The following ARHGAP45 variants were observed in gnomAD, a reference collection of about 807,000 sequenced individuals.
The protein encoded by ARHGAP45 is Rho GTPase activating protein 45.
In ARHGAP45, 56 loss-of-function variants were observed where a neutral mutation model predicts 116.1. The ratio of observed to expected loss-of-function variants is 0.48; its 90% confidence interval spans 0.39 to 0.60. The LOEUF (loss-of-function observed/expected upper bound fraction) is 0.60, where lower values mean the gene tolerates loss of function less well. Among genes scored for constraint, ARHGAP45 ranks in the 20% least tolerant of loss-of-function variants. ARHGAP45 has a pLI of 0.00. For missense variants in ARHGAP45, 1,622 were observed against 1,601.0 expected (o/e 1.01, Z -0.22); for synonymous variants, 866 against 701.7 (o/e 1.23, Z -3.70).
In ARHGAP45 at chr19:1,082,848, G is replaced by A; in HGVS notation, c.2526G>A (p.Glu842=). 1.3e-6 allele frequency: 2 copies of A among 1,511,858 alleles called. No homozygotes were observed. The highest frequency in any genetic ancestry group is 1.3e-5 in the South Asian group (1 of 75,848). 93.7% of individuals were successfully genotyped at this position (1,511,858 alleles called of 1,614,324 possible). ...CCCTTGACTCTGCGCAGCTTCCCGA[G>A]CCGCTCATCTCCTTCCGCCTCTACC... ...VLKLYLRQLP[E]PLISFRLYHE... is the part of the protein sequence containing the mutation. Residue 842 remains glutamate (E), a synonymous_variant, in exon 20 of 23, where the codon GAG becomes GAA. Transcript: ENST00000313093.
chr19:1,073,971 G>T lies in ARHGAP45; in HGVS notation c.747G>T (p.Pro249=), dbSNP rs1217659927. 14 of 1,586,502 alleles carry T rather than the reference G, an allele frequency of 8.8e-6. No homozygotes were observed. The highest frequency in any genetic ancestry group is 1.3e-5 in the African/African-American group (1 of 74,146). Reference sequence around the variant, plus strand: ...AGTCCATGGAAAGCCTGTATGGACCGGGCAGTGAGGGCACGCCTCCCAGCC... The same window carrying T: ...AGTCCATGGAAAGCCTGTATGGACCTGGCAGTGAGGGCACGCCTCCCAGCC... The part of the protein sequence containing the change: ...SSQSMESLYG[P]GSEGTPPSLE... The change falls in exon 6 of 23, where the codon CCG becomes CCT. Residue 249 remains proline (P), a synonymous_variant. Coordinates refer to ENST00000313093, the MANE Select transcript of ARHGAP45 (RefSeq NM_012292.5).
chr19:1,073,862 G>A (rs1599755713), intron 5 of ARHGAP45, 86 bp from the exon 6 acceptor site: 1 of 1,529,322 alleles, frequency 6.5e-7, no homozygotes, highest in South Asian at 1.2e-5. Flanking sequence ...TTCCCTCTCT[G>A]GGGGAGGCAG....
At chr19:1,085,569 GTC>G (rs2043599175) in intron 22 of ARHGAP45, 89 bp from the exon 23 acceptor site, 2 of 749,272 alleles carry the variant, frequency 2.7e-6, no homozygotes, top group African/African-American at 2.1e-5. Flanking sequence ...CCCCTCTCCT[GTC>G]TCTCCCCATC....
In ARHGAP45 at chr19:1,067,628, G is replaced by A. The variant is rs538326574; in HGVS notation, c.90+133G>A. ...AGCTACAGCCCCTACCGGGCGGGAC[G>A]GCAGGGGCCACAGCAGAGAGGCCGG... On this transcript the variant is annotated intron_variant, in intron 1 of 22. Transcript: ENST00000313093. The A allele has an allele frequency of 7.6e-5, 67 of 884,780 alleles. No individual in the cohort carries two copies. In the African/African-American group the frequency reaches 9.2e-4, roughly 12 times the overall value. 54.8% of individuals were successfully genotyped at this position (884,780 alleles called of 1,614,324 possible).
At chr19:1,073,627 G>T (rs369597074) in intron 4 of ARHGAP45, 37 bp downstream of exon 4, 1 of 1,612,374 alleles carries the variant, frequency 6.2e-7, no homozygotes, top group Non-Finnish European at 8.5e-7. Context: ...GCAAGGGAGC[G>T]TGGGGGGCCC....
At chr19:1,075,590 C>T (rs140301557) in intron 10 of ARHGAP45, among the ~76,000 whole-genome samples, 1 of 151,998 alleles carries the variant, frequency 6.6e-6, no homozygotes, top group East Asian at 1.9e-4. Context: ...TGGGTTATTT[C>T]AAAGACGCCG....
chr19:1,066,342 G>A (rs1279240784), upstream of ARHGAP45, among the ~76,000 whole-genome samples: 1 of 152,148 alleles, frequency 6.6e-6, no homozygotes, highest in Non-Finnish European at 1.5e-5. Context: ...CCAGCTCTTG[G>A]CCAATGCCGC....
chr19:1,085,637 C>G, intron 22 of ARHGAP45, 23 bp from the exon 23 acceptor site: 5 of 1,493,456 alleles, frequency 3.3e-6, no homozygotes, highest in Non-Finnish European at 4.5e-6. Flanking sequence ...TGTCTCCCCC[C>G]GCCATCTGTC....
rs2043415036 is a variant in ARHGAP45, at chr19:1,080,917, G to A, written c.2043G>A (p.Glu681=). Residue 681 remains glutamate, a synonymous_variant, in exon 17 of 23, where the codon GAG becomes GAA. Coordinates refer to ENST00000313093, the MANE Select transcript of ARHGAP45 (RefSeq NM_012292.5). ...CTGACCTCAACGGCATGACCCCCGAGCTGCCGGTGGCCGTGCCCAGTGGAC... is the reference window on the plus strand; with the variant it reads ...CTGACCTCAACGGCATGACCCCCGAACTGCCGGTGGCCGTGCCCAGTGGAC... ...EQADLNGMTP[E]LPVAVPSGPF... is the part of the protein sequence containing the mutation. 1 of 1,608,736 alleles carries A rather than the reference G, an allele frequency of 6.2e-7. No homozygotes were observed. Among genetic ancestry groups the A allele is most frequent in the African/African-American group, 1.3e-5 (1 of 74,996 alleles).
chr19:1,067,181 C>G lies in ARHGAP45; in HGVS notation c.-225C>G, dbSNP rs974124263. 7.7e-7 allele frequency: 1 copy of G among 1,301,312 alleles called. No homozygotes were observed. Among genetic ancestry groups the G allele is most frequent in the African/African-American group, 1.6e-5 (1 of 64,400 alleles). The allele number at this position is 1,301,312 out of a possible 1,614,324, so 80.6% of individuals were successfully genotyped here. Reference sequence around the variant, plus strand: ...CCTTCGCGCCCACTCCGCAGAGCCGCAGGCTGAGGCCGGGAAGGGTCGGGG... The same window carrying G: ...CCTTCGCGCCCACTCCGCAGAGCCGGAGGCTGAGGCCGGGAAGGGTCGGGG... On this transcript the variant is annotated 5_prime_UTR_variant, in exon 1 of 23. Transcript: ENST00000313093.
intron 1 of ARHGAP45, among the ~76,000 whole-genome samples, chr19:1,067,962 G>T (rs948687454): frequency 7.2e-6 from 1 of 139,214 alleles, no homozygotes; most frequent in Non-Finnish European, 1.6e-5. Context: ...GCTGGGGGGG[G>T]GGTCTACAGA....
intron 19 of ARHGAP45, among the ~76,000 whole-genome samples, chr19:1,082,190 G>C (rs1185377831): frequency 6.7e-6 from 1 of 149,040 alleles, no homozygotes; most frequent in Non-Finnish European, 1.5e-5. Context: ...GCCGAGGCAC[G>C]GACAGGGACA....
Position 1,067,274 on chromosome 19 carries a change from G to T in ARHGAP45, c.-132G>T. 7.1e-7 allele frequency: 1 copy of T among 1,407,232 alleles called. No individual in the cohort carries two copies. Among genetic ancestry groups the T allele is most frequent in the Non-Finnish European group, 9.2e-7 (1 of 1,083,170 alleles). The allele number at this position is 1,407,232 out of a possible 1,614,324, so 87.2% of individuals were successfully genotyped here. A position where few individuals can be genotyped will look rare whatever the true frequency, so the allele number is the denominator to read the frequency against. On this transcript the variant is annotated 5_prime_UTR_variant, in exon 1 of 23. Transcript: ENST00000313093. The stretch of plus-strand genomic sequence containing the variant: ...GGGGAGGGCCCGCCAGTGACGGCCG[G>T]GCCTGTCACGTGGGCCTGACAGCTG...
intron 11 of ARHGAP45, among the ~76,000 whole-genome samples, chr19:1,079,195 T>A (rs1377277553): frequency 4.5e-5 from 5 of 110,768 alleles, no homozygotes; most frequent in South Asian, 5.8e-4. Flanking sequence ...AAAAAAAAAA[T>A]TCTTTATAAA....
At chr19:1,066,091 G>C (rs1431800646), upstream of ARHGAP45, 5 of 1,535,614 alleles carry the variant, frequency 3.3e-6, no homozygotes, top group Admixed American at 2.0e-5. Flanking sequence ...CCTGGGCCTG[G>C]AGAGCCAGAC....
chr19:1,078,082 A>T (rs2043310339), intron 11 of ARHGAP45, 37 bp downstream of exon 11: 7 of 1,529,912 alleles, frequency 4.6e-6, no homozygotes, highest in African/African-American at 1.4e-5. Flanking sequence ...AGGTCCCTGG[A>T]GGAGGAGATC....
chr19:1,084,207 C>T (rs759485711), intron 21 of ARHGAP45, 31 bp from the exon 22 acceptor site: 69 of 1,582,896 alleles, frequency 4.4e-5, no homozygotes, highest in Admixed American at 4.3e-4. Flanking sequence ...GGAGCCCCGG[C>T]CCCTCTATGA....
Position 1,077,946 on chromosome 19 carries a change from G to A in ARHGAP45, c.1275G>A (p.Lys425=), listed in dbSNP as rs1391982923. The A allele has an allele frequency of 1.9e-6, 3 of 1,553,856 alleles. No individual in the cohort carries two copies. The highest frequency in any genetic ancestry group is 1.7e-4 in the Middle Eastern group (1 of 5,994). Residue 425 remains lysine, a synonymous_variant, in exon 11 of 23, where the codon AAG becomes AAA. Transcript: ENST00000313093. ...DHDKARFLVA[K]AEEEQAGSAP... is the part of the protein sequence containing the mutation. The stretch of plus-strand genomic sequence containing the variant: ...ACAAGGCTCGCTTCCTCGTGGCCAA[G>A]GCGGAGGAGGAGCAGGCTGGCAGCG...
chr19:1,068,349 G>C lies in ARHGAP45; in HGVS notation c.91-65G>C, dbSNP rs1318553910. The C allele has an allele frequency of 7.2e-7, 1 of 1,387,322 alleles. No individual in the cohort carries two copies. The highest frequency in any genetic ancestry group is 9.6e-7 in the Non-Finnish European group (1 of 1,039,834). 85.9% of individuals were successfully genotyped at this position (1,387,322 alleles called of 1,614,324 possible). A position where few individuals can be genotyped will look rare whatever the true frequency, so the allele number is the denominator to read the frequency against. ...CCTCCACAGCCCCACTTCATTTCTG[G>C]GGAAACTGAGGCCGTGTCCAGGCCG... On this transcript the variant is annotated intron_variant, in intron 1 of 22. Coordinates refer to ENST00000313093, the MANE Select transcript of ARHGAP45 (RefSeq NM_012292.5). The surrounding 1 kb of genome is among the most constrained non-coding windows in gnomAD (Gnocchi z 7.5).
Sources: allele counts gnomAD v4.1 joint callset (sites outside exome capture counted in the v4.1 genomes callset), GRCh38; gene constraint gnomAD v4.1.1; non-coding constraint Gnocchi (gnomAD v3.1); transcripts MANE v1.5; gene names NCBI Gene and HGNC (gene_info 2026-07-23, HGNC 2026-07-21).